TPPP: variants seen among roughly 807,000 people sequenced by gnomAD.
The protein encoded by TPPP is tubulin polymerization promoting protein.
Under a neutral mutation model 15.5 loss-of-function variants are expected in TPPP, and 6 were observed. That is an observed-to-expected ratio of 0.39 (90% CI 0.21 to 0.77). The LOEUF is 0.77. Among genes scored for constraint, TPPP ranks in the 30% least tolerant of loss-of-function variants. TPPP has a pLI of 0.42. For missense variants in TPPP, 269 were observed against 307.2 expected, an observed-to-expected ratio of 0.88 and a Z score of 0.93; for synonymous variants, 146 against 133.9, an observed-to-expected ratio of 1.09 and a Z score of -0.63.
intron 2 of TPPP, among the ~76,000 whole-genome samples, chr5:675,542 G>T (rs1377966239): frequency 1.6e-5 from 2 of 123,946 alleles, no homozygotes; most frequent in Admixed American, 8.0e-5. Flanking sequence ...CGGGGATGCC[G>T]TGTGGCCGGG....
chr5:665,484 C>T (rs1444123250), intron 3 of TPPP, among the ~76,000 whole-genome samples, 188 bp from the exon 4 acceptor site: 6 of 152,020 alleles, frequency 3.9e-5, no homozygotes, highest in South Asian at 2.1e-4. Context: ...CTTGGGCCTG[C>T]GGGGTGCCAC....
chr5:670,199 C>T (rs985735666), intron 2 of TPPP, among the ~76,000 whole-genome samples: 7 of 152,252 alleles, frequency 4.6e-5, no homozygotes, highest in Admixed American at 1.3e-4. Context: ...TCCTCCGGGG[C>T]GGACGTCACA....
chr5:677,877 C>G lies in TPPP; in HGVS notation c.184G>C (p.Gly62Arg), dbSNP rs772078187. 1.2e-6 allele frequency: 2 copies of G among 1,612,734 alleles called. No individual in the cohort carries two copies. The change falls in exon 2 of 4, where the codon GGG (glycine) becomes CGG (arginine). Residue 62 changes from glycine (G) to arginine (R), a missense_variant. Transcript: ENST00000360578. ...EEAFRRFAVHGDARATGREMH... is the reference protein window; with the variant it reads ...EEAFRRFAVHRDARATGREMH... ...TCCCTCCCGGTGGCCCTGGCGTCCC[C>G]GTGCACGGCAAAGCGCCGGAAGGCC... is the stretch of plus-strand genomic sequence containing the variant.
chr5:696,759 C>T (rs371292424), upstream of TPPP, among the ~76,000 whole-genome samples: 1,287 of 79,264 alleles, frequency 0.016, 153 homozygotes, highest in African/African-American at 0.055. Context: ...CACATGCATG[C>T]GTGTGTTTGT....
chr5:674,916 C>T (rs1334735278), intron 2 of TPPP, among the ~76,000 whole-genome samples: 1 of 150,230 alleles, frequency 6.7e-6, no homozygotes, highest in Non-Finnish European at 1.5e-5. Flanking sequence ...ACTGCAGAGT[C>T]AGGCGCCAGT....
chr5:681,409 G>A (rs1740617530), intron 1 of TPPP, among the ~76,000 whole-genome samples: 1 of 152,108 alleles, frequency 6.6e-6, no homozygotes, highest in Admixed American at 6.5e-5. Context: ...CCAGGCCTGT[G>A]CCCACCATCC....
chr5:698,975 T>C, the TPPP span, among the ~76,000 whole-genome samples: 1 of 151,986 alleles, frequency 6.6e-6, no homozygotes, highest in Non-Finnish European at 1.5e-5. Flanking sequence ...GAAAGATCTT[T>C]ATAAGGAGAA....
chr5:681,232 T>C (rs1288496338), intron 1 of TPPP, among the ~76,000 whole-genome samples: 1 of 152,144 alleles, frequency 6.6e-6, no homozygotes, highest in Non-Finnish European at 1.5e-5. Flanking sequence ...CTCACACCAT[T>C]TCCCCCAGAG....
intron 2 of TPPP, among the ~76,000 whole-genome samples, chr5:674,166 C>T (rs955175663): frequency 2.0e-4 from 30 of 152,234 alleles, no homozygotes; most frequent in Admixed American, 3.9e-4. Context: ...ATCTCCACAC[C>T]GCTTTGCCCC....
chr5:693,500 C>A, upstream of TPPP: 1 of 63,588 alleles, frequency 1.6e-5, no homozygotes, highest in South Asian at 3.2e-4. Flanking sequence ...CCCGCCGCCC[C>A]ACCCGGCCCG....
At chr5:672,087 G>A (rs996387535) in intron 2 of TPPP, among the ~76,000 whole-genome samples, 1 of 152,218 alleles carries the variant, frequency 6.6e-6, no homozygotes, top group Non-Finnish European at 1.5e-5. Flanking sequence ...TCCAAACCTG[G>A]GTCCTGCTCC....
chr5:688,383 G>A (rs1405734339), intron 1 of TPPP, among the ~76,000 whole-genome samples: 6 of 144,984 alleles, frequency 4.1e-5, no homozygotes, highest in Non-Finnish European at 7.8e-5. Flanking sequence ...CAGTGTGGAC[G>A]GACCACTCGC....
chr5:669,503 C>G (rs1387964423), intron 2 of TPPP, among the ~76,000 whole-genome samples: 1 of 152,180 alleles, frequency 6.6e-6, no homozygotes. Flanking sequence ...TCTGTCTGTC[C>G]TGGGCCGTCA....
chr5:663,391 A>G lies in TPPP; in HGVS notation c.*1711T>C, dbSNP rs1447892900. On this transcript the variant is annotated 3_prime_UTR_variant, in exon 4 of 4. Transcript: ENST00000360578. ...AAAGGAGCCACGAAGCCTGAGGTCC[A>G]TTTTTCCTTGCTCTTTATTTCCAGG... 6.6e-6 allele frequency: 1 copy of G among 152,320 alleles called. No homozygotes were observed. The highest frequency in any genetic ancestry group is 1.5e-5 in the Non-Finnish European group (1 of 68,062). 9.4% of individuals were successfully genotyped at this position (152,320 alleles called of 1,614,324 possible).
chr5:667,560 A>T (rs1431259238), intron 2 of TPPP, among the ~76,000 whole-genome samples: 1 of 152,116 alleles, frequency 6.6e-6, no homozygotes, highest in Non-Finnish European at 1.5e-5. Context: ...AAATGGATGA[A>T]CTAGACTTCA....
At chr5:674,223 G>T (rs1276696501) in intron 2 of TPPP, among the ~76,000 whole-genome samples, 1 of 152,198 alleles carries the variant, frequency 6.6e-6, no homozygotes, top group Non-Finnish European at 1.5e-5. Context: ...CGGCACAGAG[G>T]GCACCCAGGG....
At chr5:675,167 AGAATGCAACATGGAGGGTACGG>A (rs1740368879) in intron 2 of TPPP, among the ~76,000 whole-genome samples, 24 of 13,706 alleles carry the variant, frequency 1.8e-3, no homozygotes, top group South Asian at 3.1e-3. Flanking sequence ...AGTGTGGCTG[AGAATGCAACATGGAGGGTACGG>A]TGTGGCCAGG....
Position 661,230 on chromosome 5 carries a change from C to T in TPPP, c.*3872G>A, listed in dbSNP as rs1317013568. 6.6e-6 allele frequency: 1 copy of T among 152,132 alleles called. No homozygotes were observed. The highest frequency in any genetic ancestry group is 1.5e-5 in the Non-Finnish European group (1 of 68,526). The allele number at this position is 152,132 out of a possible 1,614,324, so 9.4% of individuals were successfully genotyped here. On this transcript the variant is annotated 3_prime_UTR_variant, in exon 4 of 4. Transcript: ENST00000360578. ...TGGTGTCACCCCCAACAGAACCTGT[C>T]CCTCTCTCCTGGTGTCACCCCTGAC...
At chr5:692,079 C>A in intron 1 of TPPP, among the ~76,000 whole-genome samples, 1 of 118,588 alleles carries the variant, frequency 8.4e-6, no homozygotes, top group East Asian at 2.8e-4. Context: ...CAGCAGCCCC[C>A]CTAAGCCCCC....
Sources: allele counts gnomAD v4.1 joint callset (sites outside exome capture counted in the v4.1 genomes callset), GRCh38; gene constraint gnomAD v4.1.1; transcripts MANE v1.5; gene names NCBI Gene and HGNC (gene_info 2026-07-23, HGNC 2026-07-21).